The following USH2A variants were observed in gnomAD, a reference collection of about 807,000 sequenced individuals.
USH2A encodes Usher syndrome 2A (autosomal recessive, mild).
Under a neutral mutation model 538.9 loss-of-function variants are expected in USH2A, and 443 were observed. The ratio of observed to expected loss-of-function variants is 0.82; its 90% CI spans 0.76 to 0.89. The LOEUF is 0.89. USH2A is among the 40% of genes least tolerant of loss of function. USH2A has a pLI of 0.00. For synonymous variants in USH2A, 2,413 were observed against 2,273.5 expected (o/e 1.06, Z -1.75); for missense variants, 6,633 against 6,324.8 (o/e 1.05, Z -1.65).
intron 9 of USH2A, among the ~76,000 whole-genome samples, chr1:216,316,745 C>G (rs2037517083): frequency 6.6e-6 from 1 of 152,106 alleles, no homozygotes; most frequent in Non-Finnish European, 1.5e-5. Flanking sequence ...ATCAGTGATG[C>G]TGAGCTTTTT....
At chr1:215,952,587 T>C (rs1001357016) in intron 37 of USH2A, among the ~76,000 whole-genome samples, 1 of 152,160 alleles carries the variant, frequency 6.6e-6, no homozygotes, top group African/African-American at 2.4e-5. Flanking sequence ...GGTGACAAAA[T>C]CTCTCAGCAT....
intron 3 of USH2A, among the ~76,000 whole-genome samples, chr1:216,390,789 C>T (rs1412953680): frequency 6.6e-6 from 1 of 152,114 alleles, no homozygotes; most frequent in Non-Finnish European, 1.5e-5. Flanking sequence ...ATGCTCCCAC[C>T]ACTTGGGCAT....
At chr1:215,760,314 C>T (rs949566265) in intron 56 of USH2A, among the ~76,000 whole-genome samples, 27 of 152,086 alleles carry the variant, frequency 1.8e-4, no homozygotes, top group Non-Finnish European at 4.0e-4. Context: ...GATCTCTTCC[C>T]CTCCTGGACC....
intron 44 of USH2A, among the ~76,000 whole-genome samples, chr1:215,856,643 C>T (rs1480734707): frequency 6.6e-6 from 1 of 152,078 alleles, no homozygotes; most frequent in Non-Finnish European, 1.5e-5. Flanking sequence ...TGTGGAGATT[C>T]CTTAAAGAAC....
chr1:215,721,820 T>C (rs1474516920), intron 61 of USH2A, among the ~76,000 whole-genome samples: 1 of 152,088 alleles, frequency 6.6e-6, no homozygotes, highest in Admixed American at 6.6e-5. Flanking sequence ...TTCCAACACT[T>C]TGGGACGCCG....
intron 21 of USH2A, among the ~76,000 whole-genome samples, chr1:216,153,547 C>G (rs1438980246): frequency 6.6e-6 from 1 of 152,170 alleles, no homozygotes; most frequent in African/African-American, 2.4e-5. Context: ...CCAATAAACA[C>G]CAAGTAAATG....
At chr1:215,745,567 A>G (rs1347143209) in intron 58 of USH2A, among the ~76,000 whole-genome samples, 1 of 152,236 alleles carries the variant, frequency 6.6e-6, no homozygotes, top group Non-Finnish European at 1.5e-5. Context: ...TAGCAGCTCA[A>G]TAAATGTTAG....
intron 61 of USH2A, among the ~76,000 whole-genome samples, chr1:215,683,508 G>T (rs1175927354): frequency 6.6e-6 from 1 of 151,996 alleles, no homozygotes; most frequent in Non-Finnish European, 1.5e-5. Context: ...CTGTGAATTG[G>T]GTTGGCTCTC....
At chr1:215,982,869 G>C (rs483585) in intron 35 of USH2A, among the ~76,000 whole-genome samples, 55,125 of 152,100 alleles carry the variant, frequency 0.36, 10,812 homozygotes, top group African/African-American at 0.5. Context: ...GGATAGAGAA[G>C]GGAGAGGTGG....
intron 49 of USH2A, among the ~76,000 whole-genome samples, chr1:215,808,119 G>A (rs889005683): frequency 1.3e-5 from 2 of 152,066 alleles, no homozygotes; most frequent in African/African-American, 4.8e-5. Flanking sequence ...CAAAACTTAT[G>A]CTTTCATAAG....
At chr1:216,011,374 T>C (rs549387539) in intron 32 of USH2A, among the ~76,000 whole-genome samples, 1,584 of 152,294 alleles carry the variant, frequency 0.01, 16 homozygotes, top group African/African-American at 0.025. Context: ...GCTTCACAGA[T>C]AGCCCCCATT....
intron 9 of USH2A, among the ~76,000 whole-genome samples, chr1:216,310,451 C>T (rs1376323518): frequency 1.3e-5 from 2 of 152,088 alleles, no homozygotes; most frequent in African/African-American, 4.8e-5. Context: ...TCAACTCCCT[C>T]TTGAATACCA....
intron 35 of USH2A, among the ~76,000 whole-genome samples, chr1:215,991,417 C>A (rs1668002340): frequency 6.6e-6 from 1 of 151,670 alleles, no homozygotes; most frequent in East Asian, 1.9e-4. Flanking sequence ...AGACAATCAA[C>A]AAGAGAAACA....
chr1:216,240,494 T>C (rs2035916849), intron 13 of USH2A, among the ~76,000 whole-genome samples: 1 of 146,338 alleles, frequency 6.8e-6, no homozygotes, highest in African/African-American at 2.5e-5. Context: ...CCCAGGGATA[T>C]AGAGATGGTA....
intron 4 of USH2A, among the ~76,000 whole-genome samples, chr1:216,347,584 T>C (rs951362432): frequency 6.6e-6 from 1 of 152,108 alleles, no homozygotes; most frequent in African/African-American, 2.4e-5. Context: ...TGGACTGTAT[T>C]TGTAAAAATA....
chr1:215,900,354 A>G, intron 39 of USH2A, 137 bp from the exon 40 acceptor site: 1 of 961,364 alleles, frequency 1.0e-6, no homozygotes, highest in East Asian at 2.6e-5. Context: ...ATCAAATGAG[A>G]TCTCTTTTAA....
intron 9 of USH2A, among the ~76,000 whole-genome samples, chr1:216,316,137 G>T (rs1211964424): frequency 6.6e-6 from 1 of 152,068 alleles, no homozygotes; most frequent in Non-Finnish European, 1.5e-5. Context: ...GTCAAAGAGT[G>T]CAGAGGAGAA....
At chr1:215,781,293 T>G (rs942280083) in intron 54 of USH2A, among the ~76,000 whole-genome samples, 9 of 152,228 alleles carry the variant, frequency 5.9e-5, no homozygotes, top group Non-Finnish European at 1.2e-4. Flanking sequence ...TCCGCCACCC[T>G]GCTATCTGAT....
chr1:216,216,027 A>T (rs948427872), intron 15 of USH2A, among the ~76,000 whole-genome samples: 1 of 152,126 alleles, frequency 6.6e-6, no homozygotes, highest in Non-Finnish European at 1.5e-5. Context: ...AGAACCAATC[A>T]GAAATCACTA....
Sources: gnomAD v4.1 joint callset for allele counts (sites outside exome capture counted in the v4.1 genomes callset) on GRCh38, gnomAD v4.1.1 for gene constraint, MANE v1.5 for transcripts, NCBI Gene and HGNC (gene_info 2026-07-23, HGNC 2026-07-21) for gene names.